LDB2: variants seen among roughly 807,000 people sequenced by gnomAD.
LDB2 encodes the protein LIM domain-binding protein 2.
In LDB2, 12 loss-of-function variants were observed where a neutral mutation model predicts 44.3. The ratio of observed to expected loss-of-function variants is 0.27; its 90% CI spans 0.17 to 0.44. The LOEUF is 0.44. LDB2 is among the 20% of genes least tolerant of loss of function. LDB2 has a pLI of 1.00. For missense variants in LDB2, 344 were observed against 473.5 expected, an observed-to-expected ratio of 0.73 and a Z score of 2.54; for synonymous variants, 164 against 174.8, an observed-to-expected ratio of 0.94 and a Z score of 0.49.
chr4:16,762,952 A>G (rs1413300845), intron 1 of LDB2, among the ~76,000 whole-genome samples: 1 of 152,126 alleles, frequency 6.6e-6, no homozygotes, highest in Non-Finnish European at 1.5e-5. Flanking sequence ...AAAGAGACAT[A>G]ATGATCCAAG....
In LDB2 at chr4:16,788,180, A is replaced by G. The variant is rs71603331; in HGVS notation, c.133-28920T>C. Among the ~76,000 whole-genome samples the G allele has an allele frequency of 1.9e-3, 291 of 152,334 alleles. 2 individuals carry two copies. The highest frequency in any genetic ancestry group is 2.8e-3 in the Non-Finnish European group (190 of 68,036). On this transcript the variant is annotated intron_variant, in intron 1 of 7. Transcript: ENST00000304523. ...TAAGAAAATCCCAAGAGCTTTCTCA[A>G]TAGCCTTTCACCTACGGCAAGAGTA...
chr4:16,589,361 T>C (rs1476570356), intron 3 of LDB2, among the ~76,000 whole-genome samples: 1 of 152,206 alleles, frequency 6.6e-6, no homozygotes, highest in East Asian at 1.9e-4. Context: ...TATTATCAGT[T>C]ACTGACATGT....
At chr4:16,848,163 G>T (rs566486623) in intron 1 of LDB2, among the ~76,000 whole-genome samples, 1 of 152,142 alleles carries the variant, frequency 6.6e-6, no homozygotes, top group Admixed American at 6.5e-5. Context: ...TTGAAAGTAG[G>T]GACAAAGTGA....
intron 2 of LDB2, among the ~76,000 whole-genome samples, chr4:16,735,114 G>A (rs992264988): frequency 3.3e-5 from 5 of 152,158 alleles, no homozygotes; most frequent in Non-Finnish European, 7.3e-5. Context: ...GACGCTGAGG[G>A]TAATGATGAA....
chr4:16,712,739 C>A (rs138475460), intron 2 of LDB2, among the ~76,000 whole-genome samples: 1 of 152,176 alleles, frequency 6.6e-6, no homozygotes, highest in Admixed American at 6.5e-5. Context: ...AAAGTGGAAC[C>A]CTCATACATT....
chr4:16,523,667 G>A (rs999499869), intron 5 of LDB2, among the ~76,000 whole-genome samples: 3 of 151,752 alleles, frequency 2.0e-5, no homozygotes, highest in Non-Finnish European at 2.9e-5. Context: ...GTGTATCCAG[G>A]CTACTCAGGG....
chr4:16,581,599 C>T (rs1449256530), intron 5 of LDB2, among the ~76,000 whole-genome samples: 1 of 152,158 alleles, frequency 6.6e-6, no homozygotes, highest in Non-Finnish European at 1.5e-5. Context: ...ACCCCTCTCA[C>T]AGTGACCCTC....
chr4:16,502,385 C>G lies in LDB2; in HGVS notation c.*258G>C. ...GCCAGAAGATGCGCTAGAGTTTTCT[C>G]TCATTTTAATTACAATCAGTGCCAG... On this transcript the variant is annotated 3_prime_UTR_variant, in exon 8 of 8. Transcript: ENST00000304523. 2.1e-6 allele frequency: 1 copy of G among 473,208 alleles called. No homozygotes were observed. Among genetic ancestry groups the G allele is most frequent in the South Asian group, 3.3e-5 (1 of 30,458 alleles). The allele number at this position is 473,208 out of a possible 1,614,324, so 29.3% of individuals were successfully genotyped here.
chr4:16,655,963 A>C (rs1197957140), intron 2 of LDB2, among the ~76,000 whole-genome samples: 1 of 126,926 alleles, frequency 7.9e-6, no homozygotes, highest in African/African-American at 3.0e-5. Flanking sequence ...GCGGTGGCGC[A>C]ATCTCAGCTC....
chr4:16,611,440 C>A (rs1280913481), intron 2 of LDB2, among the ~76,000 whole-genome samples: 3 of 151,572 alleles, frequency 2.0e-5, no homozygotes, highest in Non-Finnish European at 2.9e-5. Flanking sequence ...GGAGTCAAGA[C>A]CAATTAGTGC....
At chr4:16,744,698 G>A (rs1046909632) in intron 2 of LDB2, among the ~76,000 whole-genome samples, 6 of 151,964 alleles carry the variant, frequency 3.9e-5, no homozygotes, top group Admixed American at 6.6e-5. Context: ...GGATGGTCTC[G>A]ATCTCCTAAC....
At chr4:16,558,226 C>T (rs1267911044) in intron 5 of LDB2, among the ~76,000 whole-genome samples, 1 of 152,206 alleles carries the variant, frequency 6.6e-6, no homozygotes, top group Non-Finnish European at 1.5e-5. Context: ...CTTTGACGAG[C>T]TGAGAGAAGA....
At chr4:16,831,293 C>A (rs1784043201) in intron 1 of LDB2, among the ~76,000 whole-genome samples, 1 of 150,104 alleles carries the variant, frequency 6.7e-6, no homozygotes, top group Non-Finnish European at 1.5e-5. Context: ...TGAGGAAGAG[C>A]AATACAGAGA....
At chr4:16,616,335 A>G (rs1046307788) in intron 2 of LDB2, among the ~76,000 whole-genome samples, 1 of 152,208 alleles carries the variant, frequency 6.6e-6, no homozygotes, top group African/African-American at 2.4e-5. Flanking sequence ...TAAAGATTAA[A>G]TAACACAGAA....
chr4:16,737,198 ATATTT>A (rs1322239143), intron 2 of LDB2, among the ~76,000 whole-genome samples: 3 of 152,186 alleles, frequency 2.0e-5, no homozygotes, highest in East Asian at 1.9e-4. Flanking sequence ...TGTAAAACCT[ATATTT>A]TATTTATTTT....
chr4:16,612,771 A>G (rs752048357), intron 2 of LDB2, among the ~76,000 whole-genome samples: 1 of 152,184 alleles, frequency 6.6e-6, no homozygotes. Flanking sequence ...TGTACCGGAA[A>G]TACAAAGAGG....
intron 1 of LDB2, among the ~76,000 whole-genome samples, chr4:16,892,081 C>G (rs1049005676): frequency 6.6e-6 from 1 of 152,168 alleles, no homozygotes; most frequent in Non-Finnish European, 1.5e-5. Flanking sequence ...AGTATTCATA[C>G]TTGCCCAACA....
intron 2 of LDB2, among the ~76,000 whole-genome samples, chr4:16,701,680 T>TG (rs1753468535): frequency 6.6e-6 from 1 of 152,160 alleles, no homozygotes; most frequent in South Asian, 2.1e-4. Context: ...AGTTAACTTC[T>TG]GGGGGCAGCT....
chr4:16,889,859 G>T (rs1012600629), intron 1 of LDB2, among the ~76,000 whole-genome samples: 2 of 152,166 alleles, frequency 1.3e-5, no homozygotes, highest in East Asian at 3.9e-4. Context: ...GTGATTGGGG[G>T]TTAATTTTAA....
Sources: allele counts gnomAD v4.1 joint callset (sites outside exome capture counted in the v4.1 genomes callset), GRCh38; gene constraint gnomAD v4.1.1; transcripts MANE v1.5; gene names NCBI Gene and HGNC (gene_info 2026-07-23, HGNC 2026-07-21).